SHISA2: variants seen among roughly 807,000 people sequenced by gnomAD.
SHISA2 encodes shisa family member 2, also known as protein shisa-2 homolog.
A neutral mutation model predicts 23.8 loss-of-function variants in SHISA2; 16 were observed. The observed-to-expected ratio is 0.67, with a 90% CI of 0.46 to 1.02. SHISA2 has a LOEUF of 1.02. Ranked by LOEUF, SHISA2 falls within the 50% of genes least tolerant of loss-of-function variation. The pLI is 0.00. For missense variants in SHISA2, 459 were observed against 420.1 expected, an observed-to-expected ratio of 1.09 and a Z score of -0.81; for synonymous variants, 201 against 178.6, an observed-to-expected ratio of 1.13 and a Z score of -1.00.
At chr13:26,047,175 G>A in intron 1 of SHISA2, 109 bp from the exon 2 acceptor site, 2 of 1,164,010 alleles carry the variant, frequency 1.7e-6, no homozygotes, top group Non-Finnish European at 2.3e-6. Flanking sequence ...ACCCACAGCT[G>A]AAGGACCTAC....
chr13:26,048,952 T>C (rs1339111901), intron 1 of SHISA2, among the ~76,000 whole-genome samples: 3 of 152,202 alleles, frequency 2.0e-5, no homozygotes, highest in African/African-American at 7.2e-5. Context: ...CTGTCCTAAT[T>C]ACACTATCAC....
At chr13:26,049,323 G>GA (rs1447265304) in intron 1 of SHISA2, among the ~76,000 whole-genome samples, 1 of 152,182 alleles carries the variant, frequency 6.6e-6, no homozygotes, top group Non-Finnish European at 1.5e-5. Context: ...CAATTTTTAG[G>GA]AAAAAAACGT....
In SHISA2 at chr13:26,051,642, A is replaced by G. The variant is rs1205472933; in HGVS notation, c.-667T>C. Among the ~76,000 whole-genome samples, 2 of 151,816 alleles carry G rather than the reference A, an allele frequency of 1.3e-5. No individual in the cohort carries two copies. Among genetic ancestry groups the G allele is most frequent in the African/African-American group, 4.8e-5 (2 of 41,350 alleles). On this transcript the variant is annotated 5_prime_UTR_variant, in exon 1 of 2. Transcript: ENST00000319420. Reference sequence around the variant, plus strand: ...GGCGGGGCCGACGGCCAATCTTCCCAGCACGTCGCCGAGGGAGCGCTCCTG... The same window carrying G: ...GGCGGGGCCGACGGCCAATCTTCCCGGCACGTCGCCGAGGGAGCGCTCCTG...
intron 1 of SHISA2, among the ~76,000 whole-genome samples, chr13:26,047,995 C>G: frequency 6.6e-6 from 1 of 152,202 alleles, no homozygotes; most frequent in East Asian, 1.9e-4. Flanking sequence ...AAACCACTAG[C>G]AAACTCCATT....
chr13:26,050,672 C>G lies in SHISA2; in HGVS notation c.304G>C (p.Ala102Pro). Residue 102 changes from alanine to proline, a missense_variant, in exon 1 of 2, where the codon GCG becomes CCG. Transcript: ENST00000319420. ...RQQGAGEPGR[A>P]DKDGPDGSAV... is the part of the protein sequence containing the mutation. ...GAGCCGTCGGGGCCGTCTTTGTCCG[C>G]CCGGCCAGGCTCGCCAGCGCCCTGC... 6.9e-7 allele frequency: 1 copy of G among 1,451,340 alleles called. No homozygotes were observed. Among genetic ancestry groups the G allele is most frequent in the Non-Finnish European group, 9.0e-7 (1 of 1,110,772 alleles). The allele number at this position is 1,451,340 out of a possible 1,614,324, so 89.9% of individuals were successfully genotyped here.
At position 26,046,502 on chromosome 13, in the gene SHISA2, G is replaced by A. The variant is rs768214860; in HGVS notation, c.*11C>T. 9.5e-6 allele frequency: 15 copies of A among 1,572,668 alleles called. 1 individual carries two copies. The highest frequency in any genetic ancestry group is 1.9e-4 in the Middle Eastern group (1 of 5,180). ...CTCCCTTCAGTAAAGGAACCCACCA[G>A]TGACTCTCGGTTATACAGTCACCGC... On this transcript the variant is annotated 3_prime_UTR_variant, in exon 2 of 2. Transcript: ENST00000319420.
chr13:26,050,031 T>G lies in SHISA2; in HGVS notation c.334+611A>C, dbSNP rs7323866. ...TTGGCAATTTGAAAGAAAAAAAAAA[T>G]CAAAGCCACAAAGAGCAAGGCTGGG... On this transcript the variant is annotated intron_variant, in intron 1 of 1. Transcript: ENST00000319420. 9.9e-3 allele frequency among the ~76,000 whole-genome samples: 1,469 copies of G among 148,772 alleles called. 23 individuals are homozygous for G. The highest frequency in any genetic ancestry group is 0.034 in the African/African-American group (1,394 of 40,440).
At position 26,044,688 on chromosome 13, in the gene SHISA2, A is replaced by G. The variant is rs1430019319; in HGVS notation, c.*1825T>C. 6.6e-6 allele frequency: 1 copy of G among 152,226 alleles called. No homozygotes were observed. Among genetic ancestry groups the G allele is most frequent in the Non-Finnish European group, 1.5e-5 (1 of 68,036 alleles). The allele number at this position is 152,226 out of a possible 1,614,324, so 9.4% of individuals were successfully genotyped here. A position where few individuals can be genotyped will look rare whatever the true frequency, so the allele number is the denominator to read the frequency against. Reference sequence around the variant, plus strand: ...AGTATCATTGATGATACCAATTGCCAACACTGGTTTTACATTATTCAGTCA... The same window carrying G: ...AGTATCATTGATGATACCAATTGCCGACACTGGTTTTACATTATTCAGTCA... On this transcript the variant is annotated 3_prime_UTR_variant, in exon 2 of 2. Transcript: ENST00000319420.
chr13:26,046,837 G>A lies in SHISA2; in HGVS notation c.564C>T (p.Ser188=). ...SRQSSTAASS[S]SSANSGARAP... The stretch of plus-strand genomic sequence containing the variant: ...CCCGGGCCCCTGAGTTGGCGCTGGA[G>A]CTGGAACTGGCAGCTGTGCTGGACT... Residue 188 remains serine, a synonymous_variant, in exon 2 of 2, where the codon AGC becomes AGT. Coordinates refer to ENST00000319420, the MANE Select transcript of SHISA2 (RefSeq NM_001007538.2). The A allele has an allele frequency of 6.2e-7, 1 of 1,614,144 alleles. No individual in the cohort carries two copies. The highest frequency in any genetic ancestry group is 8.5e-7 in the Non-Finnish European group (1 of 1,180,016).
At chr13:26,050,519 A>C (rs565577923) in intron 1 of SHISA2, 123 bp downstream of exon 1, 1 of 1,013,960 alleles carries the variant, frequency 9.9e-7, no homozygotes, top group African/African-American at 1.7e-5. Context: ...ATAAGCCAGA[A>C]GGCAGACTCC....
Position 26,050,611 on chromosome 13 carries a change from T to C in SHISA2, c.334+31A>G, listed in dbSNP as rs182372449. The C allele has an allele frequency of 2.5e-3, 3,397 of 1,382,402 alleles. 5 individuals are homozygous for C. The highest frequency in any genetic ancestry group is 2.8e-3 in the Non-Finnish European group (3,012 of 1,076,856). 85.6% of individuals were successfully genotyped at this position (1,382,402 alleles called of 1,614,324 possible). A position where few individuals can be genotyped will look rare whatever the true frequency, so the allele number is the denominator to read the frequency against. On this transcript the variant is annotated intron_variant, in intron 1 of 1. Coordinates refer to ENST00000319420, the MANE Select transcript of SHISA2 (RefSeq NM_001007538.2). ...GACGTCCAGGCAACGCCAACCGTCC[T>C]CCCTTTCGCGCTGGGCGCAGGCCGC...
Position 26,051,236 on chromosome 13 carries a change from C to A in SHISA2, c.-261G>T, listed in dbSNP as rs973609565. On this transcript the variant is annotated 5_prime_UTR_variant, in exon 1 of 2. Transcript: ENST00000319420. The stretch of plus-strand genomic sequence containing the variant: ...GAGTTGCACTCGCTGATGGAAATCT[C>A]GGGATGCAGTCAGAAGGCCCCCGGG... 6.6e-6 allele frequency among the ~76,000 whole-genome samples: 1 copy of A among 152,182 alleles called. No individual in the cohort carries two copies.
chr13:26,050,171 C>A (rs1198984238), intron 1 of SHISA2, among the ~76,000 whole-genome samples: 2 of 152,158 alleles, frequency 1.3e-5, no homozygotes, highest in Admixed American at 1.3e-4. Flanking sequence ...GATGGGAATC[C>A]GCGGCGTCTG....
rs1418432307 is a variant in SHISA2 at position 26,049,324 on chromosome 13, A to G, written c.334+1318T>C. On this transcript the variant is annotated intron_variant, in intron 1 of 1. Coordinates refer to ENST00000319420, the MANE Select transcript of SHISA2 (RefSeq NM_001007538.2). ...AAGTGAAAGAAATACAATTTTTAGGAAAAAAACGTTTAAAAGTAGCATGAA... is the reference window on the plus strand; with the variant it reads ...AAGTGAAAGAAATACAATTTTTAGGGAAAAAACGTTTAAAAGTAGCATGAA... Among the ~76,000 whole-genome samples, 4 of 152,196 alleles carry G rather than the reference A, an allele frequency of 2.6e-5. No individual in the cohort carries two copies. In the South Asian group the frequency reaches 8.3e-4, roughly 32 times the overall value.
chr13:26,044,648 G>C lies in SHISA2; in HGVS notation c.*1865C>G, dbSNP rs1169188923. On this transcript the variant is annotated 3_prime_UTR_variant, in exon 2 of 2. Transcript: ENST00000319420. ...AGTAAAATGATTTTCCCCTGCCTTT[G>C]GTTATTAAAAAATGAGTATCATTGA... is the stretch of plus-strand genomic sequence containing the variant. The C allele has an allele frequency of 6.6e-6, 1 of 152,070 alleles. No homozygotes were observed. The highest frequency in any genetic ancestry group is 1.5e-5 in the Non-Finnish European group (1 of 68,016). The allele number at this position is 152,070 out of a possible 1,614,324, so 9.4% of individuals were successfully genotyped here.
chr13:26,049,839 C>T (rs1957288786), intron 1 of SHISA2, among the ~76,000 whole-genome samples: 1 of 146,872 alleles, frequency 6.8e-6, no homozygotes, highest in Admixed American at 6.9e-5. Flanking sequence ...TTTACCTCTA[C>T]ACCTCCCCTC....
intron 1 of SHISA2, among the ~76,000 whole-genome samples, chr13:26,049,985 G>T (rs369976785): frequency 1.6e-4 from 25 of 151,708 alleles, no homozygotes; most frequent in African/African-American, 5.1e-4. Flanking sequence ...TCTTTCACGG[G>T]TTTACTTTCC....
rs1294438607 is a variant in SHISA2 at position 26,044,954 on chromosome 13, A to G, written c.*1559T>C. 6.6e-6 allele frequency: 1 copy of G among 152,212 alleles called. No homozygotes were observed. Among genetic ancestry groups the G allele is most frequent in the Non-Finnish European group, 1.5e-5 (1 of 68,028 alleles). The allele number at this position is 152,212 out of a possible 1,614,324, so 9.4% of individuals were successfully genotyped here. A position where few individuals can be genotyped will look rare whatever the true frequency, so the allele number is the denominator to read the frequency against. ...GTGCCTGTTGAGGCCTGAAAGAGAG[A>G]GGAAATCAAGAACAGTGTGGGAGAA... On this transcript the variant is annotated 3_prime_UTR_variant, in exon 2 of 2. Transcript: ENST00000319420.
chr13:26,048,026 G>A (rs1429132979), intron 1 of SHISA2, among the ~76,000 whole-genome samples: 2 of 152,140 alleles, frequency 1.3e-5, no homozygotes, highest in Admixed American at 6.5e-5. Flanking sequence ...TTTCTGGCGG[G>A]GCACGGTGGC....
Sources: gnomAD v4.1 joint callset for allele counts (sites outside exome capture counted in the v4.1 genomes callset) on GRCh38, gnomAD v4.1.1 for gene constraint, MANE v1.5 for transcripts, NCBI Gene and HGNC (gene_info 2026-07-23, HGNC 2026-07-21) for gene names.